WDFY4: variants seen among roughly 807,000 people sequenced by gnomAD.
WDFY4 encodes WD repeat- and FYVE domain-containing protein 4.
A neutral mutation model predicts 351.9 loss-of-function variants in WDFY4; 169 were observed. That is an observed-to-expected ratio of 0.48 (90% CI 0.42 to 0.55). The LOEUF (loss-of-function observed/expected upper bound fraction) is 0.55. Among genes scored for constraint, WDFY4 ranks in the 20% least tolerant of loss-of-function variants. WDFY4 has a pLI of 0.00. For synonymous variants in WDFY4, 1,622 were observed against 1,574.6 expected, an observed-to-expected ratio of 1.03 and a Z score of -0.71; for missense variants, 3,803 against 3,935.6, an observed-to-expected ratio of 0.97 and a Z score of 0.90.
At chr10:48,784,460 T>A (rs1235114404) in intron 19 of WDFY4, among the ~76,000 whole-genome samples, 1 of 151,982 alleles carries the variant, frequency 6.6e-6, no homozygotes, top group East Asian at 1.9e-4. Flanking sequence ...ATGTGCTTAT[T>A]TGCCATCTGT....
intron 13 of WDFY4, among the ~76,000 whole-genome samples, chr10:48,770,140 A>T (rs2065814007): frequency 6.6e-6 from 1 of 152,222 alleles, no homozygotes; most frequent in South Asian, 2.1e-4. Context: ...CAATATTGGT[A>T]TTGACAGAGC....
At chr10:48,856,567 G>T (rs2069141586) in intron 39 of WDFY4, among the ~76,000 whole-genome samples, 1 of 152,128 alleles carries the variant, frequency 6.6e-6, no homozygotes, top group African/African-American at 2.4e-5. Flanking sequence ...ACGTGCCATG[G>T]TGGTTTAAGG....
intron 47 of WDFY4, among the ~76,000 whole-genome samples, chr10:48,912,923 A>G (rs957116593): frequency 1.3e-5 from 2 of 152,198 alleles, no homozygotes; most frequent in Non-Finnish European, 2.9e-5. Flanking sequence ...ACCCAACACC[A>G]AGTGCTCATC....
intron 47 of WDFY4, chr10:48,910,108 C>A: frequency 1.2e-6 from 1 of 848,886 alleles, no homozygotes; most frequent in Non-Finnish European, 2.0e-6. Flanking sequence ...GTGGCTTGGC[C>A]AGCTCCGGCG....
intron 51 of WDFY4, 26 bp downstream of exon 51, chr10:48,946,995 C>T (rs1372535435): frequency 2.8e-6 from 3 of 1,089,598 alleles, no homozygotes; most frequent in East Asian, 3.3e-5. Flanking sequence ...TCTCTGTACA[C>T]ACACACACAC....
chr10:48,900,117 C>T, intron 45 of WDFY4, 104 bp from the exon 46 acceptor site: 1 of 975,514 alleles, frequency 1.0e-6, no homozygotes, highest in Non-Finnish European at 1.5e-6. Context: ...GAAGGGTCTT[C>T]TGACACGGAG....
chr10:48,711,843 T>C (rs1353399148), intron 2 of WDFY4, among the ~76,000 whole-genome samples: 1 of 152,224 alleles, frequency 6.6e-6, no homozygotes, highest in Non-Finnish European at 1.5e-5. Context: ...AGTTTTCATA[T>C]GAAAATCAGA....
intron 46 of WDFY4, 70 bp downstream of exon 46, chr10:48,900,376 CAGCTCTG>C (rs1237355288): frequency 1.4e-6 from 2 of 1,384,262 alleles, no homozygotes; most frequent in African/African-American, 2.9e-5. Context: ...AGAGAACACT[CAGCTCTG>C]TGCTCAGGAA....
chr10:48,893,781 A>T (rs548170194), intron 44 of WDFY4, among the ~76,000 whole-genome samples: 2 of 152,230 alleles, frequency 1.3e-5, no homozygotes, highest in Non-Finnish European at 2.9e-5. Flanking sequence ...CTATCAAAGA[A>T]CAGGTCAACC....
intron 47 of WDFY4, chr10:48,910,092 A>G: frequency 2.8e-6 from 2 of 708,434 alleles, no homozygotes; most frequent in South Asian, 3.3e-5. Context: ...TTTGAGAAGC[A>G]AGTCGGTGGC....
chr10:48,840,807 G>A (rs1362934639), intron 39 of WDFY4, among the ~76,000 whole-genome samples: 1 of 152,164 alleles, frequency 6.6e-6, no homozygotes, highest in African/African-American at 2.4e-5. Flanking sequence ...AGTGTCTCTG[G>A]TCTATCACAA....
intron 47 of WDFY4, among the ~76,000 whole-genome samples, chr10:48,920,898 A>G (rs374637121): frequency 6.6e-6 from 1 of 152,368 alleles, no homozygotes; most frequent in Non-Finnish European, 1.5e-5. Context: ...ATGAAAAATA[A>G]TAATGCTCCA....
At chr10:48,812,190 G>GTTTTTTTTTTTTTTT (rs199764757) in intron 30 of WDFY4, among the ~76,000 whole-genome samples, 1 of 137,532 alleles carries the variant, frequency 7.3e-6, no homozygotes, top group African/African-American at 3.0e-5. Flanking sequence ...TTTTTTTTTT[G>GTTTTTTTTTTTTTTT]TTTTTTTTGT....
intron 24 of WDFY4, among the ~76,000 whole-genome samples, chr10:48,800,899 A>G (rs922698915): frequency 6.6e-6 from 1 of 151,666 alleles, no homozygotes; most frequent in African/African-American, 2.4e-5. Flanking sequence ...CATAAGGCTC[A>G]TTTTTTTATA....
At chr10:48,756,547 C>G (rs572950109) in intron 12 of WDFY4, among the ~76,000 whole-genome samples, 1 of 151,900 alleles carries the variant, frequency 6.6e-6, no homozygotes, top group Non-Finnish European at 1.5e-5. Flanking sequence ...TGTTCTTAAT[C>G]TTAGGGAGAA....
At chr10:48,902,261 A>G (rs933531811) in intron 47 of WDFY4, among the ~76,000 whole-genome samples, 2 of 152,326 alleles carry the variant, frequency 1.3e-5, no homozygotes, top group Non-Finnish European at 1.5e-5. Flanking sequence ...CTAAATTCAT[A>G]CAAGTTGGTG....
At chr10:48,789,401 T>C (rs573348634) in intron 21 of WDFY4, among the ~76,000 whole-genome samples, 3 of 152,322 alleles carry the variant, frequency 2.0e-5, no homozygotes, top group South Asian at 2.1e-4. Context: ...GTCCTGTTGA[T>C]CATGAAAGTT....
At chr10:48,918,792 A>T (rs999972814) in intron 47 of WDFY4, among the ~76,000 whole-genome samples, 2 of 152,200 alleles carry the variant, frequency 1.3e-5, no homozygotes, top group African/African-American at 4.8e-5. Flanking sequence ...CCTGCCTTGT[A>T]CATTGTAGAA....
intron 43 of WDFY4, chr10:48,884,311 C>G (rs1233695352): frequency 6.6e-6 from 1 of 152,136 alleles, no homozygotes; most frequent in Non-Finnish European, 1.5e-5. Context: ...TATGCAGTAA[C>G]TTCCTGTCTT....
Sources: gnomAD v4.1 joint callset for allele counts (sites outside exome capture counted in the v4.1 genomes callset) on GRCh38, gnomAD v4.1.1 for gene constraint, MANE v1.5 for transcripts, NCBI Gene and HGNC (gene_info 2026-07-23, HGNC 2026-07-21) for gene names.